Variants in PRR5 observed in about 807,000 individuals in gnomAD.
PRR5 encodes proline rich 5.
PRR5 carries 25 observed loss-of-function variants against 30.6 expected under a neutral mutation model. That is an observed-to-expected ratio of 0.82 (90% CI 0.60 to 1.14). The LOEUF is 1.14. PRR5 is among the 50% of genes most tolerant of loss of function. The pLI is 0.00. For missense variants in PRR5, 600 were observed against 547.1 expected, an observed-to-expected ratio of 1.10 and a Z score of -0.96; for synonymous variants, 286 against 247.1, an observed-to-expected ratio of 1.16 and a Z score of -1.48.
At chr22:44,727,204 A>ACCCTTTGCCCTTCGGGCACG in intron 4 of PRR5, among the ~76,000 whole-genome samples, 1 of 151,938 alleles carries the variant, frequency 6.6e-6, no homozygotes, top group Admixed American at 6.6e-5. Context: ...TTTAGGGCAC[A>ACCCTTTGCCCTTCGGGCACG]CACCCTTTGC....
intron 2 of PRR5, among the ~76,000 whole-genome samples, chr22:44,717,401 A>G (rs1014476090): frequency 6.6e-6 from 1 of 151,974 alleles, no homozygotes; most frequent in Non-Finnish European, 1.5e-5. Flanking sequence ...CATGTTGGCC[A>G]GGCCGGTCTC....
At chr22:44,719,270 A>G (rs1313964668) in intron 2 of PRR5, among the ~76,000 whole-genome samples, 1 of 151,666 alleles carries the variant, frequency 6.6e-6, no homozygotes, top group East Asian at 1.9e-4. Flanking sequence ...TTTTGTAGAG[A>G]TGAGGTCTTG....
chr22:44,672,988 A>G (rs1923514204), upstream of PRR5, among the ~76,000 whole-genome samples: 1 of 152,232 alleles, frequency 6.6e-6, no homozygotes. Flanking sequence ...AGGAACCACC[A>G]TGGCGGGCTC....
intron 1 of PRR5, among the ~76,000 whole-genome samples, chr22:44,708,006 C>T (rs1927507296): frequency 6.6e-6 from 1 of 152,126 alleles, no homozygotes; most frequent in Admixed American, 6.6e-5. Flanking sequence ...ACAAATCCAC[C>T]TCCAAGGCTA....
chr22:44,717,115 C>T (rs1247179816), intron 2 of PRR5, among the ~76,000 whole-genome samples: 1 of 151,438 alleles, frequency 6.6e-6, no homozygotes, highest in African/African-American at 2.4e-5. Flanking sequence ...TAATTGGTCA[C>T]TAGCTTTGAT....
rs567915283 is a variant in PRR5, at chr22:44,722,411, C to A, written c.216-2833C>A. Among the ~76,000 whole-genome samples the A allele has an allele frequency of 3.3e-5, 5 of 152,346 alleles. No homozygotes were observed. In the South Asian group the frequency reaches 1.0e-3, roughly 32 times the overall value. Reference sequence around the variant, plus strand: ...GTATTTTGCCCTGTGCTTCCGTGCACCTGCAGTACTGCCCGAGCCCCAGGC... The same window carrying A: ...GTATTTTGCCCTGTGCTTCCGTGCAACTGCAGTACTGCCCGAGCCCCAGGC... On this transcript the variant is annotated intron_variant, in intron 2 of 7. Transcript: ENST00000336985.
At chr22:44,708,172 C>A (rs899537300) in intron 1 of PRR5, among the ~76,000 whole-genome samples, 4 of 152,090 alleles carry the variant, frequency 2.6e-5, no homozygotes, top group Non-Finnish European at 4.4e-5. Flanking sequence ...TGCACTCCAG[C>A]CTAGGTGACA....
chr22:44,673,813 A>G (rs1173579170), upstream of PRR5, among the ~76,000 whole-genome samples: 2 of 152,136 alleles, frequency 1.3e-5, no homozygotes, highest in Non-Finnish European at 2.9e-5. Flanking sequence ...AGATCTACCT[A>G]TGGCTGGGAG....
chr22:44,705,754 A>G (rs932331618), intron 1 of PRR5, among the ~76,000 whole-genome samples: 9 of 151,256 alleles, frequency 6.0e-5, no homozygotes, highest in Admixed American at 5.3e-4. Context: ...CCTCCCTAAT[A>G]GCTGGGATTA....
chr22:44,708,739 G>T (rs1927638703), intron 1 of PRR5, among the ~76,000 whole-genome samples: 1 of 152,112 alleles, frequency 6.6e-6, no homozygotes, highest in Admixed American at 6.6e-5. Context: ...GGCCAATCCA[G>T]GTGGATCATC....
intron 6 of PRR5, among the ~76,000 whole-genome samples, chr22:44,733,359 T>C (rs6007267): frequency 0.048 from 7,256 of 152,312 alleles, 241 homozygotes; most frequent in Admixed American, 0.083. Context: ...TATGAGCTAA[T>C]AAGGGCGGGA....
chr22:44,686,672 C>G (rs567702022), intron 1 of PRR5, among the ~76,000 whole-genome samples: 1 of 152,184 alleles, frequency 6.6e-6, no homozygotes, highest in Non-Finnish European at 1.5e-5. Flanking sequence ...TACACCACCA[C>G]GCCCAGCTAA....
intron 1 of PRR5, among the ~76,000 whole-genome samples, chr22:44,685,616 ACCC>A: frequency 6.6e-6 from 1 of 151,438 alleles, no homozygotes; most frequent in Non-Finnish European, 1.5e-5. Context: ...TGAAAGCCAC[ACCC>A]CTCTCCCCAG....
upstream of PRR5, among the ~76,000 whole-genome samples, chr22:44,698,546 T>A (rs912007685): frequency 5.3e-5 from 8 of 152,096 alleles, no homozygotes; most frequent in Non-Finnish European, 1.0e-4. Context: ...CACAATACAA[T>A]TGCTGGGTCC....
chr22:44,689,731 C>A (rs914628324), intron 1 of PRR5, among the ~76,000 whole-genome samples: 2 of 152,244 alleles, frequency 1.3e-5, no homozygotes, highest in African/African-American at 4.8e-5. Flanking sequence ...TCACTGCAAC[C>A]TCCACCTCCT....
intron 2 of PRR5, among the ~76,000 whole-genome samples, chr22:44,720,441 T>G (rs1225656605): frequency 1.3e-5 from 2 of 152,200 alleles, no homozygotes; most frequent in East Asian, 3.9e-4. Context: ...GGAGTGAACA[T>G]GGTTCCCATC....
chr22:44,686,419 G>A (rs947821336), intron 1 of PRR5, among the ~76,000 whole-genome samples: 14 of 150,670 alleles, frequency 9.3e-5, no homozygotes, highest in African/African-American at 2.2e-4. Flanking sequence ...TCACTGCAAC[G>A]TGTGCCTCCC....
intron 2 of PRR5, 68 bp from the exon 3 acceptor site, chr22:44,725,176 G>A: frequency 6.3e-7 from 1 of 1,598,846 alleles, no homozygotes. Context: ...CCCCACCCCA[G>A]TCCGTGGGTC....
At chr22:44,709,216 G>A (rs1927756311) in intron 1 of PRR5, among the ~76,000 whole-genome samples, 1 of 152,028 alleles carries the variant, frequency 6.6e-6, no homozygotes, top group Non-Finnish European at 1.5e-5. Flanking sequence ...TGCTTGCTCT[G>A]GGTCCCAAGC....
Sources: allele counts gnomAD v4.1 joint callset (sites outside exome capture counted in the v4.1 genomes callset), GRCh38; gene constraint gnomAD v4.1.1; transcripts MANE v1.5; gene names NCBI Gene and HGNC (gene_info 2026-07-23, HGNC 2026-07-21).